PEX1: variants seen among roughly 807,000 people sequenced by gnomAD.
PEX1 encodes the protein peroxisomal biogenesis factor 1, also known as peroxisomal ATPase PEX1.
In PEX1, 97 loss-of-function variants were observed where a neutral mutation model predicts 152.5. The observed-to-expected ratio is 0.64, with a 90% confidence interval of 0.54 to 0.75. The LOEUF (loss-of-function observed/expected upper bound fraction) is 0.75, where lower values mean the gene tolerates loss of function less well. Ranked by LOEUF, PEX1 falls within the 30% of genes least tolerant of loss-of-function variation. The probability of loss-of-function intolerance (pLI) is 0.00; values close to 1 mark genes in which losing one functional copy is unlikely to be tolerated. For missense variants in PEX1, 1,357 were observed against 1,516.3 expected (o/e 0.89, Z 1.74); for synonymous variants, 485 against 531.6 (o/e 0.91, Z 1.21).
intron 1 of PEX1, among the ~76,000 whole-genome samples, chr7:92,528,010 C>A (rs1793370667): frequency 6.6e-6 from 1 of 152,364 alleles, no homozygotes; most frequent in Admixed American, 6.5e-5. Context: ...CAAACCACTT[C>A]TCAGGAGCTT....
In PEX1 at chr7:92,487,719, A is replaced by G. The variant is rs546725581; in HGVS notation, c.3768-178T>C. 3.3e-5 allele frequency among the ~76,000 whole-genome samples: 5 copies of G among 152,340 alleles called. No homozygotes were observed. In the East Asian group the frequency reaches 9.6e-4, roughly 29 times the overall value. On this transcript the variant is annotated intron_variant, in intron 23 of 23. Coordinates refer to ENST00000248633, the MANE Select transcript of PEX1 (RefSeq NM_000466.3). ...TTCTTACAAATAAAGTTGCACTCCAATAGAAAACGGAGCAAAGGGGATGAA... is the reference window on the plus strand; with the variant it reads ...TTCTTACAAATAAAGTTGCACTCCAGTAGAAAACGGAGCAAAGGGGATGAA...
In PEX1 at chr7:92,518,171, CAACCCAAA is replaced by C. The variant is rs1792890827; in HGVS notation, c.434_441del (p.Val145GlyfsTer25). 2 of 1,613,150 alleles carry C rather than the reference CAACCCAAA, an allele frequency of 1.2e-6. No homozygotes were observed. Among genetic ancestry groups the C allele is most frequent in the Non-Finnish European group, 1.7e-6 (2 of 1,179,346 alleles). On this transcript the variant is annotated frameshift_variant, in exon 4 of 24. Transcript: ENST00000248633. LOFTEE classifies it high-confidence loss of function. Reference sequence around the variant, plus strand: ...TGGATAAATATGTACGTTTGTTGATCAACCCAAACAGGAAAAATGGCTTTTGGAAAAAC... The same window carrying C: ...TGGATAAATATGTACGTTTGTTGATCCAGGAAAAATGGCTTTTGGAAAAAC...
intron 3 of PEX1, 164 bp downstream of exon 3, chr7:92,518,831 A>G: frequency 1.6e-6 from 1 of 640,988 alleles, no homozygotes; most frequent in Non-Finnish European, 2.8e-6. Flanking sequence ...TGGCCTCCCA[A>G]AGTGCTGGGA....
intron 16 of PEX1, among the ~76,000 whole-genome samples, 177 bp from the exon 17 acceptor site, chr7:92,496,954 A>T (rs951490197): frequency 6.6e-6 from 1 of 152,180 alleles, no homozygotes; most frequent in Non-Finnish European, 1.5e-5. Flanking sequence ...TCTATGCTTG[A>T]TGCTTCTGCC....
intron 17 of PEX1, among the ~76,000 whole-genome samples, chr7:92,495,987 G>A (rs530903292): frequency 1.6e-4 from 25 of 151,732 alleles, no homozygotes; most frequent in African/African-American, 5.6e-4. Flanking sequence ...TTTCATTATC[G>A]TTTGCTCCCA....
At chr7:92,520,904 G>C (rs968605542) in intron 2 of PEX1, among the ~76,000 whole-genome samples, 1 of 152,192 alleles carries the variant, frequency 6.6e-6, no homozygotes, top group African/African-American at 2.4e-5. Flanking sequence ...CTGAGGATGG[G>C]ACTGGGAAAA....
chr7:92,507,085 G>A lies in PEX1; in HGVS notation c.1712C>T (p.Thr571Ile), dbSNP rs1037175660. ...SLGVSSLEHI[T>I]HSLLGRPLSR... ...CAAAGGGCGTCCCAGGAGGCTGTGA[G>A]TGATGTGCTCCAAGGAGGATACGCC... The change falls in exon 10 of 24, where the codon ACT (threonine) becomes ATT (isoleucine). Residue 571 changes from threonine (T) to isoleucine (I), a missense_variant. Transcript: ENST00000248633. The A allele has an allele frequency of 1.2e-6, 2 of 1,613,674 alleles. No homozygotes were observed. The highest frequency in any genetic ancestry group is 2.7e-5 in the African/African-American group (2 of 74,900).
At chr7:92,509,177 A>G (rs1191695466) in intron 9 of PEX1, 152 bp downstream of exon 9, 13 of 632,112 alleles carry the variant, frequency 2.1e-5, no homozygotes, top group Non-Finnish European at 3.3e-5. Context: ...GCTAGGCGTG[A>G]AGATAGAGAC....
At chr7:92,522,631 T>G (rs536570682) in intron 1 of PEX1, among the ~76,000 whole-genome samples, 3 of 152,216 alleles carry the variant, frequency 2.0e-5, no homozygotes, top group Non-Finnish European at 4.4e-5. Flanking sequence ...TTTTCTATGA[T>G]AGTGAACACT....
chr7:92,522,570 A>G (rs902383073), intron 1 of PEX1, among the ~76,000 whole-genome samples: 1 of 152,218 alleles, frequency 6.6e-6, no homozygotes, highest in African/African-American at 2.4e-5. Flanking sequence ...TTTATTCCCA[A>G]TTAACGATTC....
chr7:92,487,484 T>G lies in PEX1; in HGVS notation c.3825A>C (p.Arg1275=), dbSNP rs1169113690. Residue 1275 remains arginine, a synonymous_variant, in exon 24 of 24, where the codon CGA becomes CGC. Transcript: ENST00000248633. The part of the protein sequence containing the change: ...RRKNQSGTMF[R]PGQKVTLA ...ATGCTAAAGTTACTTTCTGTCCAGGTCGAAACATTGTTCCACTTTGATTTT... is the reference window on the plus strand; with the variant it reads ...ATGCTAAAGTTACTTTCTGTCCAGGGCGAAACATTGTTCCACTTTGATTTT... The G allele has an allele frequency of 6.3e-7, 1 of 1,595,858 alleles. No homozygotes were observed. Among genetic ancestry groups the G allele is most frequent in the Non-Finnish European group, 8.6e-7 (1 of 1,165,968 alleles).
chr7:92,517,428 C>T lies in PEX1; in HGVS notation c.1087G>A (p.Glu363Lys), dbSNP rs144915551. The T allele has an allele frequency of 3.7e-6, 6 of 1,613,854 alleles. No homozygotes were observed. ...CTAATTTTTTTTTGATCTAGTGGCT[C>T]TGACATCTGCTTCTCTTTTTCAGGT... ...LSPEKEKQMS[E>K]PLDQKKIRSD... is the part of the protein sequence containing the mutation. The change falls in exon 5 of 24, where the codon GAG (glutamate) becomes AAG (lysine). Residue 363 changes from glutamate (E) to lysine (K), a missense_variant. Transcript: ENST00000248633.
intron 17 of PEX1, 99 bp from the exon 18 acceptor site, chr7:92,494,728 A>T: frequency 1.3e-6 from 1 of 776,250 alleles, no homozygotes; most frequent in South Asian, 2.5e-5. Flanking sequence ...ATGTATTTAT[A>T]TATATTTATA....
chr7:92,499,924 A>G (rs974954510), intron 15 of PEX1, 86 bp from the exon 16 acceptor site: 4 of 1,086,178 alleles, frequency 3.7e-6, no homozygotes, highest in Non-Finnish European at 5.5e-6. Context: ...ATGTATAGAA[A>G]AAAAATTCAG....
intron 2 of PEX1, among the ~76,000 whole-genome samples, chr7:92,519,374 G>C (rs1327725520): frequency 6.6e-6 from 1 of 152,112 alleles, no homozygotes; most frequent in Non-Finnish European, 1.5e-5. Flanking sequence ...ACAGGTGCAA[G>C]CCACTGCACC....
chr7:92,501,612 C>G lies in PEX1; in HGVS notation c.2478G>C (p.Leu826Phe), dbSNP rs760923518. The G allele has an allele frequency of 3.1e-6, 5 of 1,613,998 alleles. No homozygotes were observed. The highest frequency in any genetic ancestry group is 1.7e-6 in the Non-Finnish European group (2 of 1,179,870). Residue 826 changes from leucine to phenylalanine, a missense_variant, in exon 15 of 24, where the codon TTG becomes TTC. Physicochemically the swap from Leu to Phe is conservative, Grantham distance 22 (BLOSUM62 0). Transcript: ENST00000248633. ...TAGGTTTATGCAGGTTGACACTTCGCAAAGACGCAGGAAGAAATCCGCGGA... is the reference window on the plus strand; with the variant it reads ...TAGGTTTATGCAGGTTGACACTTCGGAAAGACGCAGGAAGAAATCCGCGGA... Reference protein sequence around the residue: ...KALRGFLPASLRSVNLHKPRD... With the variant: ...KALRGFLPASFRSVNLHKPRD...
At chr7:92,511,552 AAAAAGTC>A in intron 7 of PEX1, 21 bp downstream of exon 7, 1 of 1,583,044 alleles carries the variant, frequency 6.3e-7, no homozygotes, top group South Asian at 1.1e-5. Flanking sequence ...TAAATAGAAA[AAAAAGTC>A]AAAATAACAA....
intron 1 of PEX1, among the ~76,000 whole-genome samples, chr7:92,523,246 T>A (rs1370377213): frequency 6.6e-6 from 1 of 152,228 alleles, no homozygotes; most frequent in Non-Finnish European, 1.5e-5. Context: ...TATGTGCAAG[T>A]TTTTCATATA....
chr7:92,511,102 A>G, intron 7 of PEX1, 55 bp from the exon 8 acceptor site: 1 of 863,158 alleles, frequency 1.2e-6, no homozygotes, highest in South Asian at 1.5e-5. Flanking sequence ...AGATGAAATA[A>G]TTTAAGATTT....
Sources: gnomAD v4.1 joint callset for allele counts (sites outside exome capture counted in the v4.1 genomes callset) on GRCh38, gnomAD v4.1.1 for gene constraint, MANE v1.5 for transcripts, NCBI Gene and HGNC (gene_info 2026-07-23, HGNC 2026-07-21) for gene names.